Variants in TEAD1 observed in about 807,000 individuals in gnomAD.
TEAD1 encodes the protein transcriptional enhancer factor TEF-1.
TEAD1 carries 9 observed loss-of-function variants against 54.9 expected under a neutral mutation model. The observed-to-expected ratio is 0.16, with a 90% CI of 0.10 to 0.29. The LOEUF (loss-of-function observed/expected upper bound fraction) is 0.29, where lower values mean the gene tolerates loss of function less well. TEAD1 is among the 10% of genes least tolerant of loss of function. The pLI, the probability that TEAD1 is intolerant of heterozygous loss-of-function variation, is 1.00. For missense variants in TEAD1, 387 were observed against 535.9 expected (o/e 0.72, Z 2.74); for synonymous variants, 200 against 187.8 (o/e 1.07, Z -0.53).
chr11:12,933,227 T>G (rs16911813), intron 12 of TEAD1, among the ~76,000 whole-genome samples: 7,359 of 152,284 alleles, frequency 0.048, 590 homozygotes, highest in African/African-American at 0.17. Flanking sequence ...ACTTAGCAGG[T>G]TAGATTAATT....
chr11:12,758,531 C>T (rs1404903212), intron 2 of TEAD1, among the ~76,000 whole-genome samples: 1 of 151,884 alleles, frequency 6.6e-6, no homozygotes, highest in Non-Finnish European at 1.5e-5. Flanking sequence ...CCACCTCAGC[C>T]TCCTGAGTAG....
Position 12,937,491 on chromosome 11 carries a change from C to G in TEAD1, c.*269C>G. ...CTATGTTCTTCAGATGTGCAGCCCA[C>G]AATTCCTCGGGAAAGGTGAACCTGA... On this transcript the variant is annotated 3_prime_UTR_variant, in exon 13 of 13. Transcript: ENST00000527636. The G allele has an allele frequency of 3.2e-6, 1 of 311,120 alleles. No individual in the cohort carries two copies. Among genetic ancestry groups the G allele is most frequent in the Non-Finnish European group, 6.1e-6 (1 of 163,440 alleles). The allele number at this position is 311,120 out of a possible 1,614,324, so 19.3% of individuals were successfully genotyped here. A position where few individuals can be genotyped will look rare whatever the true frequency, so the allele number is the denominator to read the frequency against.
At chr11:12,839,986 G>T (rs938813861) in intron 3 of TEAD1, among the ~76,000 whole-genome samples, 5 of 151,968 alleles carry the variant, frequency 3.3e-5, no homozygotes, top group African/African-American at 1.2e-4. Flanking sequence ...GGTGGTTCAC[G>T]CCTGTAATCC....
chr11:12,834,384 C>T, intron 3 of TEAD1, among the ~76,000 whole-genome samples: 1 of 152,218 alleles, frequency 6.6e-6, no homozygotes, highest in East Asian at 1.9e-4. Context: ...GCAGTGCAAT[C>T]TGACAGACCT....
chr11:12,732,811 T>G (rs936522258), intron 2 of TEAD1, among the ~76,000 whole-genome samples: 2 of 152,200 alleles, frequency 1.3e-5, no homozygotes, highest in African/African-American at 4.8e-5. Context: ...TTTTGAGAAT[T>G]GTGTTGAATA....
At chr11:12,864,610 A>G (rs1186333348) in intron 4 of TEAD1, 4 of 705,092 alleles carry the variant, frequency 5.7e-6, no homozygotes, top group Non-Finnish European at 6.0e-6. Flanking sequence ...TTTATATTTG[A>G]TTTCCTTTTT....
chr11:12,878,986 C>A, intron 5 of TEAD1: 1 of 1,103,576 alleles, frequency 9.1e-7, no homozygotes, highest in Non-Finnish European at 1.2e-6. Flanking sequence ...TTAGCCTTGG[C>A]TTTCCTAGAA....
chr11:12,867,948 CTA>C (rs1042372369), intron 5 of TEAD1, among the ~76,000 whole-genome samples: 1 of 152,180 alleles, frequency 6.6e-6, no homozygotes, highest in African/African-American at 2.4e-5. Context: ...ATCCCAGTAA[CTA>C]TCCTTGCAGA....
intron 3 of TEAD1, among the ~76,000 whole-genome samples, chr11:12,855,713 G>A (rs1947362716): frequency 6.6e-6 from 1 of 151,982 alleles, no homozygotes; most frequent in South Asian, 2.1e-4. Context: ...GGAGGCCAAG[G>A]CAGGAGGATC....
intron 3 of TEAD1, among the ~76,000 whole-genome samples, chr11:12,839,832 C>T (rs1946986518): frequency 6.6e-6 from 1 of 152,122 alleles, no homozygotes; most frequent in Non-Finnish European, 1.5e-5. Context: ...AGAAAGCCCA[C>T]ATTGAAGGTA....
intron 9 of TEAD1, among the ~76,000 whole-genome samples, chr11:12,897,635 TC>T: frequency 6.6e-6 from 1 of 152,310 alleles, no homozygotes; most frequent in East Asian, 1.9e-4. Context: ...GTGCCCAGTT[TC>T]CTTTGGCAAA....
intron 2 of TEAD1, among the ~76,000 whole-genome samples, chr11:12,691,054 T>C (rs1360262510): frequency 6.6e-6 from 1 of 152,192 alleles, no homozygotes; most frequent in Non-Finnish European, 1.5e-5. Flanking sequence ...CCCAACCCAT[T>C]CCTCTTTTTA....
intron 3 of TEAD1, among the ~76,000 whole-genome samples, chr11:12,799,858 A>G (rs1946013335): frequency 1.3e-5 from 2 of 152,112 alleles, no homozygotes; most frequent in Admixed American, 1.3e-4. Flanking sequence ...TTAAACTTAT[A>G]TCCCAAGCCT....
intron 3 of TEAD1, among the ~76,000 whole-genome samples, chr11:12,824,744 C>T (rs184468612): frequency 1.3e-5 from 2 of 152,270 alleles, no homozygotes; most frequent in African/African-American, 2.4e-5. Flanking sequence ...CAGTCCTGAA[C>T]TCTGGGGTGA....
Position 12,937,195 on chromosome 11 carries a change from T to A in TEAD1, c.1254T>A (p.His418Gln), listed in dbSNP as rs762130955. 5 of 1,613,834 alleles carry A rather than the reference T, an allele frequency of 3.1e-6. No homozygotes were observed. The highest frequency in any genetic ancestry group is 4.2e-6 in the Non-Finnish European group (5 of 1,179,802). ...CAAATAGTGAACACGGAGCACAACATCATATTTACAGGCTTGTAAAGGACT... is the reference window on the plus strand; with the variant it reads ...CAAATAGTGAACACGGAGCACAACAACATATTTACAGGCTTGTAAAGGACT... Residue 418 changes from histidine (H) to glutamine (Q), a missense_variant, in exon 13 of 13, where the codon CAT becomes CAA. His to Gln is a conservative substitution (Grantham distance 24, BLOSUM62 0). Transcript: ENST00000527636.
At chr11:12,900,170 T>A (rs891981285) in intron 9 of TEAD1, among the ~76,000 whole-genome samples, 1 of 152,078 alleles carries the variant, frequency 6.6e-6, no homozygotes, top group African/African-American at 2.4e-5. Context: ...CAAGTGATCC[T>A]CCTGCTTTAG....
At chr11:12,685,826 G>T (rs1300740765) in intron 2 of TEAD1, among the ~76,000 whole-genome samples, 2 of 152,162 alleles carry the variant, frequency 1.3e-5, no homozygotes, top group Non-Finnish European at 2.9e-5. Flanking sequence ...GAAGGCATGG[G>T]AGGCCACAAA....
rs1948523762 is a variant in TEAD1, at chr11:12,906,514, C to T, written c.873+4401C>T. 2.0e-5 allele frequency among the ~76,000 whole-genome samples: 3 copies of T among 148,296 alleles called. No homozygotes were observed. The Admixed American group carries it at 2.0e-4, about 10-fold the overall frequency. On this transcript the variant is annotated intron_variant, in intron 10 of 12. Transcript: ENST00000527636. ...CAAAGATCACGCCACTGCACTCTAG[C>T]CTGGGCGACAGAGTGAGACTCCTTC...
At chr11:12,820,323 A>AT (rs1946517125) in intron 3 of TEAD1, among the ~76,000 whole-genome samples, 2 of 152,110 alleles carry the variant, frequency 1.3e-5, no homozygotes, top group African/African-American at 4.8e-5. Flanking sequence ...CCCTAAAGCC[A>AT]TAGGCACCTC....
Sources: gnomAD v4.1 joint callset for allele counts (sites outside exome capture counted in the v4.1 genomes callset) on GRCh38, gnomAD v4.1.1 for gene constraint, MANE v1.5 for transcripts, NCBI Gene and HGNC (gene_info 2026-07-23, HGNC 2026-07-21) for gene names.